IKZF3: variants seen among roughly 807,000 people sequenced by gnomAD.
The protein encoded by IKZF3 is zinc finger protein Aiolos.
Under a neutral mutation model 49.0 loss-of-function variants are expected in IKZF3, and 10 were observed. The observed-to-expected ratio is 0.20, with a 90% confidence interval of 0.13 to 0.35. The LOEUF is 0.35. Among genes scored for constraint, IKZF3 ranks in the 10% least tolerant of loss-of-function variants. IKZF3 has a pLI of 1.00. For synonymous variants in IKZF3, 209 were observed against 228.2 expected (o/e 0.92, Z 0.76); for missense variants, 498 against 664.8 (o/e 0.75, Z 2.76).
chr17:39,817,629 G>A (rs1023656005), intron 3 of IKZF3, among the ~76,000 whole-genome samples: 1 of 152,158 alleles, frequency 6.6e-6, no homozygotes. Context: ...ATGTTTTCCT[G>A]TGCTGCATAT....
intron 1 of IKZF3, among the ~76,000 whole-genome samples, chr17:39,850,339 T>C (rs922448125): frequency 3.6e-5 from 5 of 137,836 alleles, no homozygotes; most frequent in Non-Finnish European, 1.5e-5. Context: ...TAGCATATTA[T>C]ACATGTACAT....
In IKZF3 at chr17:39,766,243, C is replaced by T. The variant is rs779420127; in HGVS notation, c.1077G>A (p.Leu359=). ...AEMSNGAPQE[L]EKKSIHLPEK... is the part of the protein sequence containing the mutation. ...CTGGAAGGTGGATGCTTTTCTTTTC[C>T]AGCTCTTGAGGGGCACCGTTTGACA... is the stretch of plus-strand genomic sequence containing the variant. Residue 359 remains leucine (L), a synonymous_variant, in exon 8 of 8, where the codon CTG becomes CTA. Coordinates refer to ENST00000346872, the MANE Select transcript of IKZF3 (RefSeq NM_012481.5). 1.5e-5 allele frequency: 24 copies of T among 1,614,162 alleles called. No individual in the cohort carries two copies. The highest frequency in any genetic ancestry group is 1.9e-5 in the Non-Finnish European group (23 of 1,180,024).
At chr17:39,852,768 G>C (rs538268518) in intron 1 of IKZF3, among the ~76,000 whole-genome samples, 18 of 152,122 alleles carry the variant, frequency 1.2e-4, no homozygotes, top group African/African-American at 4.1e-4. Context: ...TCAGGAGTTC[G>C]AGACCAGCCT....
intron 7 of IKZF3, among the ~76,000 whole-genome samples, chr17:39,768,305 C>A (rs2060346486): frequency 6.6e-6 from 1 of 152,078 alleles, no homozygotes; most frequent in African/African-American, 2.4e-5. Flanking sequence ...GGGTCTTGAA[C>A]TGGAAGAATT....
At chr17:39,779,353 C>T (rs899519896) in intron 6 of IKZF3, among the ~76,000 whole-genome samples, 3 of 152,002 alleles carry the variant, frequency 2.0e-5, no homozygotes, top group Non-Finnish European at 2.9e-5. Context: ...TCTTAGCTCT[C>T]GGGAGGCTGA....
intron 1 of IKZF3, among the ~76,000 whole-genome samples, chr17:39,850,226 TATATATA>T (rs1281970762): frequency 7.1e-6 from 1 of 141,552 alleles, no homozygotes; most frequent in Non-Finnish European, 1.5e-5. Flanking sequence ...ATTATGTATG[TATATATA>T]ATATATAGTA....
intron 1 of IKZF3, among the ~76,000 whole-genome samples, chr17:39,834,425 G>A (rs1010876329): frequency 6.6e-6 from 1 of 152,206 alleles, no homozygotes; most frequent in Admixed American, 6.5e-5. Context: ...TGCTTTAGCT[G>A]CATCTCATAA....
At chr17:39,842,056 AAAACC>A (rs2062488123) in intron 1 of IKZF3, among the ~76,000 whole-genome samples, 4 of 140,448 alleles carry the variant, frequency 2.8e-5, no homozygotes, top group African/African-American at 5.2e-5. Flanking sequence ...AAAAAAAAAA[AAAACC>A]AGATAAAATA....
chr17:39,792,379 C>A (rs142070209), intron 4 of IKZF3, among the ~76,000 whole-genome samples: 2 of 152,274 alleles, frequency 1.3e-5, no homozygotes, highest in Admixed American at 1.3e-4. Context: ...GGCTAAGAAG[C>A]AAATCACACA....
intron 3 of IKZF3, among the ~76,000 whole-genome samples, chr17:39,804,014 A>G (rs2061380773): frequency 6.6e-6 from 1 of 152,228 alleles, no homozygotes; most frequent in Non-Finnish European, 1.5e-5. Flanking sequence ...TGGTGTATAT[A>G]GCATGTTTTG....
intron 1 of IKZF3, among the ~76,000 whole-genome samples, chr17:39,849,387 G>T (rs894217021): frequency 1.5e-5 from 2 of 136,920 alleles, no homozygotes; most frequent in African/African-American, 5.5e-5. Context: ...AGCCAGGCGT[G>T]GTGGCTCATG....
At chr17:39,792,993 T>C in intron 3 of IKZF3, 60 bp from the exon 4 acceptor site, 2 of 1,547,944 alleles carry the variant, frequency 1.3e-6, no homozygotes, top group Non-Finnish European at 1.8e-6. Context: ...TCAAAGCAGC[T>C]CAAACAGCAG....
intron 3 of IKZF3, among the ~76,000 whole-genome samples, chr17:39,819,694 G>A (rs1352527736): frequency 2.0e-5 from 3 of 152,080 alleles, no homozygotes; most frequent in South Asian, 4.1e-4. Context: ...TCTTGAAAAG[G>A]AGTCTCACTC....
chr17:39,857,874 A>G (rs2063106669), intron 1 of IKZF3, among the ~76,000 whole-genome samples: 1 of 151,930 alleles, frequency 6.6e-6, no homozygotes, highest in Non-Finnish European at 1.5e-5. Context: ...CTCTAGTCCC[A>G]GCTACTCAAG....
At chr17:39,831,374 C>CA (rs568922025) in intron 2 of IKZF3, among the ~76,000 whole-genome samples, 8 of 137,416 alleles carry the variant, frequency 5.8e-5, no homozygotes, top group Middle Eastern at 3.7e-3. Flanking sequence ...AATTCCGTCT[C>CA]AAAAAAAAAA....
At position 39,813,303 on chromosome 17, in the gene IKZF3, G is replaced by GAA. The variant is rs71355420; in HGVS notation, c.163+16082_163+16083dup. 8.4e-3 allele frequency among the ~76,000 whole-genome samples: 1,057 copies of GAA among 126,056 alleles called. 13 individuals carry two copies. Among genetic ancestry groups the GAA allele is most frequent in the African/African-American group, 0.028 (1,008 of 35,422 alleles). The allele number at this position is 126,056 out of a possible 152,430, so 82.7% of individuals were successfully genotyped here. A position where few individuals can be genotyped will look rare whatever the true frequency, so the allele number is the denominator to read the frequency against. On this transcript the variant is annotated intron_variant, in intron 3 of 7. Coordinates refer to ENST00000346872, the MANE Select transcript of IKZF3 (RefSeq NM_012481.5). ...TTGCTGTGCTACGCAGCTTAGTTAT[G>GAA]AAAAAAAAAAAAAAGAAGAAAAGAA...
At chr17:39,812,809 C>T (rs1038450787) in intron 3 of IKZF3, among the ~76,000 whole-genome samples, 4 of 152,074 alleles carry the variant, frequency 2.6e-5, no homozygotes, top group African/African-American at 7.2e-5. Context: ...ACAAAGAATG[C>T]AAAAAGAGGC....
At chr17:39,838,372 T>C (rs9900019) in intron 1 of IKZF3, among the ~76,000 whole-genome samples, 8,803 of 152,260 alleles carry the variant, frequency 0.058, 401 homozygotes, top group African/African-American at 0.12. Context: ...GTTCATTTAC[T>C]CTTTCTTCTG....
At chr17:39,819,805 G>A (rs779149257) in intron 3 of IKZF3, among the ~76,000 whole-genome samples, 2 of 151,922 alleles carry the variant, frequency 1.3e-5, no homozygotes, top group African/African-American at 4.8e-5. Context: ...AAGTAGCTGG[G>A]ACTACAGGCA....
Sources: allele counts gnomAD v4.1 joint callset (sites outside exome capture counted in the v4.1 genomes callset), GRCh38; gene constraint gnomAD v4.1.1; transcripts MANE v1.5; gene names NCBI Gene and HGNC (gene_info 2026-07-23, HGNC 2026-07-21).